The following NTM variants were observed in gnomAD, a reference collection of about 807,000 sequenced individuals.
NTM encodes IgLON family member 2.
A neutral mutation model predicts 42.1 loss-of-function variants in NTM; 13 were observed. That is an observed-to-expected ratio of 0.31 (90% CI 0.20 to 0.49). The LOEUF (loss-of-function observed/expected upper bound fraction) is 0.49. NTM is among the 20% of genes least tolerant of loss of function. The probability of loss-of-function intolerance (pLI) is 0.99; values close to 1 mark genes in which losing one functional copy is unlikely to be tolerated. For synonymous variants in NTM, 187 were observed against 179.2 expected (o/e 1.04, Z -0.35); for missense variants, 373 against 452.8 (o/e 0.82, Z 1.60).
At chr11:131,528,275 G>T (rs1339602316) in intron 1 of NTM, among the ~76,000 whole-genome samples, 1 of 152,132 alleles carries the variant, frequency 6.6e-6, no homozygotes, top group African/African-American at 2.4e-5. Flanking sequence ...GTTTCCTGAG[G>T]ATTGGCACTG....
chr11:132,009,539 C>T (rs923109092), intron 2 of NTM, among the ~76,000 whole-genome samples: 4 of 152,190 alleles, frequency 2.6e-5, no homozygotes, highest in South Asian at 2.1e-4. Context: ...TGTGCCATCC[C>T]GGCAGCTCTG....
intron 7 of NTM, among the ~76,000 whole-genome samples, chr11:132,325,070 G>A (rs1297569991): frequency 2.0e-5 from 3 of 151,894 alleles, no homozygotes; most frequent in Admixed American, 1.3e-4. Context: ...AAAAACCCTA[G>A]AAGAAAACCT....
At chr11:132,251,136 T>C (rs1217758152) in intron 4 of NTM, among the ~76,000 whole-genome samples, 4 of 152,226 alleles carry the variant, frequency 2.6e-5, no homozygotes, top group Non-Finnish European at 5.9e-5. Flanking sequence ...GTTTGTCTTT[T>C]GGTTCACTCC....
intron 1 of NTM, among the ~76,000 whole-genome samples, chr11:131,664,716 G>A (rs1003326869): frequency 6.7e-6 from 1 of 148,510 alleles, no homozygotes; most frequent in African/African-American, 2.5e-5. Flanking sequence ...ATTATAGAAT[G>A]CCGTGAGTCA....
chr11:132,298,911 C>T (rs968162061), intron 4 of NTM, among the ~76,000 whole-genome samples: 3 of 151,888 alleles, frequency 2.0e-5, no homozygotes, highest in East Asian at 1.9e-4. Context: ...CACACACACA[C>T]GAAATTTATA....
At chr11:132,251,575 G>A (rs1213718494) in intron 4 of NTM, among the ~76,000 whole-genome samples, 1 of 152,166 alleles carries the variant, frequency 6.6e-6, no homozygotes, top group Non-Finnish European at 1.5e-5. Context: ...CAAGGCATGT[G>A]GAAGCCACTC....
At chr11:131,590,480 T>C (rs994415833) in intron 1 of NTM, among the ~76,000 whole-genome samples, 12 of 152,072 alleles carry the variant, frequency 7.9e-5, no homozygotes, top group African/African-American at 1.2e-4. Context: ...ATCCCAGAGA[T>C]AGGGCCAGAG....
At chr11:131,523,981 A>G (rs1171630998) in intron 1 of NTM, among the ~76,000 whole-genome samples, 1 of 147,078 alleles carries the variant, frequency 6.8e-6, no homozygotes, top group African/African-American at 2.5e-5. Context: ...AGAACACTGC[A>G]GAGGACTTCT....
At chr11:132,050,165 G>GGT (rs1183352116) in intron 2 of NTM, among the ~76,000 whole-genome samples, 5 of 152,146 alleles carry the variant, frequency 3.3e-5, no homozygotes, top group Non-Finnish European at 7.4e-5. Flanking sequence ...AAGGGAGAAG[G>GGT]GTGAGGTAGG....
chr11:132,280,164 T>C (rs578222481), intron 4 of NTM, among the ~76,000 whole-genome samples: 1 of 152,178 alleles, frequency 6.6e-6, no homozygotes, highest in Non-Finnish European at 1.5e-5. Flanking sequence ...TCAACCGAGG[T>C]CATCAGAGAA....
At chr11:132,072,176 G>A (rs2057766903) in intron 2 of NTM, among the ~76,000 whole-genome samples, 1 of 152,116 alleles carries the variant, frequency 6.6e-6, no homozygotes, top group South Asian at 2.1e-4. Context: ...CTTAAAAAGG[G>A]GTTAATGAAC....
intron 1 of NTM, among the ~76,000 whole-genome samples, chr11:131,883,388 C>T (rs1461100459): frequency 6.6e-6 from 1 of 152,186 alleles, no homozygotes; most frequent in Non-Finnish European, 1.5e-5. Context: ...AAGTAGGTCA[C>T]CTCTTCTCTC....
At chr11:131,860,963 G>A (rs970047438) in intron 1 of NTM, among the ~76,000 whole-genome samples, 24 of 152,140 alleles carry the variant, frequency 1.6e-4, no homozygotes, top group Non-Finnish European at 2.8e-4. Context: ...ACTTAGAATC[G>A]AGCCTGATTT....
chr11:131,753,567 A>AG (rs2082864263), intron 1 of NTM, among the ~76,000 whole-genome samples: 2 of 149,208 alleles, frequency 1.3e-5, no homozygotes, highest in African/African-American at 5.2e-5. Flanking sequence ...CAGCCATAAA[A>AG]AGTGATGAGT....
chr11:131,586,867 A>G (rs2058911661), intron 1 of NTM, among the ~76,000 whole-genome samples: 1 of 152,212 alleles, frequency 6.6e-6, no homozygotes, highest in African/African-American at 2.4e-5. Flanking sequence ...AGAACAATCT[A>G]TATCACTTAT....
chr11:131,379,505 G>T (rs1037335239), intron 1 of NTM, among the ~76,000 whole-genome samples: 1 of 152,162 alleles, frequency 6.6e-6, no homozygotes, highest in African/African-American at 2.4e-5. Context: ...CTGGTTTGAG[G>T]TCTGTGGCAA....
At chr11:132,288,708 C>A (rs1470321151) in intron 4 of NTM, among the ~76,000 whole-genome samples, 1 of 152,162 alleles carries the variant, frequency 6.6e-6, no homozygotes, top group Non-Finnish European at 1.5e-5. Context: ...CAACCTCCAG[C>A]TCCCGGGTTC....
chr11:131,393,991 C>A (rs58493055), intron 1 of NTM, among the ~76,000 whole-genome samples: 3 of 152,198 alleles, frequency 2.0e-5, no homozygotes, highest in African/African-American at 7.2e-5. Flanking sequence ...TTTTAATAGG[C>A]GGCTCTGGCA....
At chr11:131,615,312 G>A (rs1031034435) in intron 1 of NTM, among the ~76,000 whole-genome samples, 11 of 152,066 alleles carry the variant, frequency 7.2e-5, no homozygotes, top group African/African-American at 2.7e-4. Flanking sequence ...GAAGTGAAGG[G>A]GCCTTCAAAG....
Sources: allele counts gnomAD v4.1 joint callset (sites outside exome capture counted in the v4.1 genomes callset), GRCh38; gene constraint gnomAD v4.1.1; transcripts MANE v1.5; gene names NCBI Gene and HGNC (gene_info 2026-07-23, HGNC 2026-07-21).